PDE1B: variants seen among roughly 807,000 people sequenced by gnomAD.
The protein encoded by PDE1B is phosphodiesterase 1B.
A neutral mutation model predicts 66.7 loss-of-function variants in PDE1B; 13 were observed. The observed-to-expected ratio is 0.19, with a 90% CI of 0.13 to 0.31. The LOEUF (loss-of-function observed/expected upper bound fraction) is 0.31. PDE1B is among the 10% of genes least tolerant of loss of function. The probability of loss-of-function intolerance (pLI) is 1.00; values close to 1 mark genes in which losing one functional copy is unlikely to be tolerated. For synonymous variants in PDE1B, 230 were observed against 253.9 expected (o/e 0.91, Z 0.90); for missense variants, 485 against 682.3 (o/e 0.71, Z 3.22).
Position 54,578,322 on chromosome 12 carries a change from C to T in PDE1B, c.*480C>T, listed in dbSNP as rs2121186868. ...GCCCCTTTTCCTCCCCTGGGAAGGG[C>T]TGGAATAGGATAGAAAGCTGGGGGT... On this transcript the variant is annotated 3_prime_UTR_variant, in exon 16 of 16. Coordinates refer to ENST00000243052, the MANE Select transcript of PDE1B (RefSeq NM_000924.4). 1 of 152,356 alleles carries T rather than the reference C, an allele frequency of 6.6e-6. No homozygotes were observed. 9.4% of individuals were successfully genotyped at this position (152,356 alleles called of 1,614,324 possible).
At chr12:54,570,176 T>G (rs565120171) in intron 5 of PDE1B, 65 bp from the exon 6 acceptor site, 20 of 930,972 alleles carry the variant, frequency 2.1e-5, no homozygotes, top group Non-Finnish European at 3.1e-5. Flanking sequence ...GGGAAGTCCT[T>G]CTTGAAGTCT....
In PDE1B at chr12:54,573,856, TGA is replaced by T. The variant is rs142403478; in HGVS notation, c.1064+161_1064+162del. 32 of 463,998 alleles carry T rather than the reference TGA, an allele frequency of 6.9e-5. No homozygotes were observed. The highest frequency in any genetic ancestry group is 1.5e-4 in the African/African-American group (6 of 40,084). The allele number at this position is 463,998 out of a possible 1,614,324, so 28.7% of individuals were successfully genotyped here. ...TCAGGTATCAGACTGCATCTCTATG[TGA>T]GAGAGAGAGAGAGTGTGTGTGTGTG... On this transcript the variant is annotated intron_variant, in intron 10 of 15. Coordinates refer to ENST00000243052, the MANE Select transcript of PDE1B (RefSeq NM_000924.4). The surrounding 1 kb of genome is among the most constrained non-coding windows in gnomAD (Gnocchi z 5.2).
At chr12:54,562,836 T>C (rs1165470324) in intron 2 of PDE1B, among the ~76,000 whole-genome samples, 1 of 152,148 alleles carries the variant, frequency 6.6e-6, no homozygotes, top group Non-Finnish European at 1.5e-5. Context: ...TCTTTAATCT[T>C]TTTTCCCCTC....
rs777807529 is a variant in PDE1B at position 54,569,586 on chromosome 12, T to A, written c.451T>A (p.Ser151Thr). The change falls in exon 5 of 16, where the codon TCT becomes ACT. Residue 151 changes from serine to threonine, a missense_variant. Ser to Thr is a moderately conservative substitution (Grantham distance 58). Transcript: ENST00000243052. The surrounding 1 kb of genome is among the most constrained non-coding windows in gnomAD (Gnocchi z 4.4). ...RTYTSVGPTY[S>T]TAVLNCLKNL... ...ATACACCTCTGTGGGCCCCACTTAC[T>A]CTACTGCGGTTCTCAACTGTCTCAA... 6.2e-7 allele frequency: 1 copy of A among 1,613,572 alleles called. No homozygotes were observed. The highest frequency in any genetic ancestry group is 1.7e-5 in the Admixed American group (1 of 60,004).
At chr12:54,559,958 G>T (rs945403198) in intron 2 of PDE1B, among the ~76,000 whole-genome samples, 1 of 152,126 alleles carries the variant, frequency 6.6e-6, no homozygotes, top group African/African-American at 2.4e-5. Context: ...TGGCATTCAG[G>T]GTCTCTGACA....
Position 54,569,532 on chromosome 12 carries a change from T to C in PDE1B, c.411-14T>C, listed in dbSNP as rs763660896. Reference sequence around the variant, plus strand: ...ACCTTCATATGTGGGCTTCTTCTCATTGTTCTCTCTCAGGATGTTCCGGAG... The same window carrying C: ...ACCTTCATATGTGGGCTTCTTCTCACTGTTCTCTCTCAGGATGTTCCGGAG... On this transcript the variant is annotated splice_polypyrimidine_tract_variant and intron_variant, in intron 4 of 15. Coordinates refer to ENST00000243052, the MANE Select transcript of PDE1B (RefSeq NM_000924.4). This position sits in a 1 kb window ranked among gnomAD's most constrained non-coding sequence, Gnocchi z 4.4. 1.2e-6 allele frequency: 2 copies of C among 1,611,632 alleles called. No individual in the cohort carries two copies. The highest frequency in any genetic ancestry group is 4.5e-5 in the East Asian group (2 of 44,868).
chr12:54,565,397 C>T lies in PDE1B; in HGVS notation c.114-1577C>T, dbSNP rs146629396. ...CAAAGGCAAAGCGTACCTCTTTGTTCTGTGATCTCTGGGCGGGGTACTCTG... is the reference window on the plus strand; with the variant it reads ...CAAAGGCAAAGCGTACCTCTTTGTTTTGTGATCTCTGGGCGGGGTACTCTG... On this transcript the variant is annotated intron_variant, in intron 2 of 15. Transcript: ENST00000243052. Among the ~76,000 whole-genome samples, 5 of 152,366 alleles carry T rather than the reference C, an allele frequency of 3.3e-5. No individual in the cohort carries two copies. In the East Asian group the frequency reaches 9.6e-4, roughly 29 times the overall value.
chr12:54,570,440 T>C (rs1957596216), intron 6 of PDE1B, 83 bp downstream of exon 6: 2 of 811,466 alleles, frequency 2.5e-6, no homozygotes, highest in African/African-American at 1.7e-5. Flanking sequence ...AACAAACAGA[T>C]TCCATAGATC....
Position 54,570,522 on chromosome 12 carries a change from G to A in PDE1B, c.594+165G>A, listed in dbSNP as rs1165154029. 8.2e-6 allele frequency: 5 copies of A among 609,028 alleles called. No individual in the cohort carries two copies. In the African/African-American group the frequency reaches 9.2e-5, roughly 11 times the overall value. The allele number at this position is 609,028 out of a possible 1,614,324, so 37.7% of individuals were successfully genotyped here. On this transcript the variant is annotated intron_variant, in intron 6 of 15. Coordinates refer to ENST00000243052, the MANE Select transcript of PDE1B (RefSeq NM_000924.4). ...CAGCCTAGCCTTTCTTTCACTTGCT[G>A]CAGTCTTAGTTCCAGACTTCATTAA...
At chr12:54,557,304 A>T (rs1247295884) in intron 2 of PDE1B, among the ~76,000 whole-genome samples, 1 of 152,234 alleles carries the variant, frequency 6.6e-6, no homozygotes. Context: ...AGTGAAATAA[A>T]TTGAAGACAG....
rs369117826 is a variant in PDE1B at position 54,569,594 on chromosome 12, G to A, written c.459G>A (p.Ala153=). The A allele has an allele frequency of 1.9e-5, 31 of 1,613,002 alleles. No homozygotes were observed. The highest frequency in any genetic ancestry group is 2.3e-5 in the Non-Finnish European group (27 of 1,179,110). The part of the protein sequence containing the change: ...YTSVGPTYST[A]VLNCLKNLDL... ...CTGTGGGCCCCACTTACTCTACTGC[G>A]GTTCTCAACTGTCTCAAGGTAATCT... Residue 153 remains alanine, a synonymous_variant, in exon 5 of 16, where the codon GCG becomes GCA. Coordinates refer to ENST00000243052, the MANE Select transcript of PDE1B (RefSeq NM_000924.4). The surrounding 1 kb of genome is among the most constrained non-coding windows in gnomAD (Gnocchi z 4.4).
At chr12:54,563,213 GAATT>G (rs1957451026) in intron 2 of PDE1B, among the ~76,000 whole-genome samples, 1 of 152,232 alleles carries the variant, frequency 6.6e-6, no homozygotes, top group Non-Finnish European at 1.5e-5. Context: ...CCAACCGACA[GAATT>G]AATTAAGGTT....
rs1402885968 is a variant in PDE1B at position 54,573,479 on chromosome 12, G to T, written c.961G>T (p.Val321Leu). ...CATCAACCTCACCAAGGATGAGTTT[G>T]TGTGAGCAGAAGCCAGTACTTGGCA... ...IFINLTKDEF[V>L]ELRALVIEMV... The change falls in exon 9 of 16, where the codon GTA becomes TTA. Residue 321 changes from valine to leucine, a missense_variant and splice_region_variant. Physicochemically the swap from Val to Leu is conservative, Grantham distance 32. Coordinates refer to ENST00000243052, the MANE Select transcript of PDE1B (RefSeq NM_000924.4). The surrounding 1 kb of genome is among the most constrained non-coding windows in gnomAD (Gnocchi z 5.2). The T allele has an allele frequency of 6.2e-7, 1 of 1,614,084 alleles. No homozygotes were observed. The highest frequency in any genetic ancestry group is 1.3e-5 in the African/African-American group (1 of 74,932).
intron 2 of PDE1B, chr12:54,554,508 T>G (rs1324977888): frequency 6.6e-6 from 1 of 152,294 alleles, no homozygotes; most frequent in Non-Finnish European, 1.5e-5. Flanking sequence ...CTGTCTCTAT[T>G]TCCTCCATCA....
intron 2 of PDE1B, among the ~76,000 whole-genome samples, chr12:54,560,106 A>G (rs371675710): frequency 6.6e-6 from 1 of 152,092 alleles, no homozygotes; most frequent in African/African-American, 2.4e-5. Flanking sequence ...GCCCTGCTTC[A>G]CGGCTACCAG....
Position 54,578,656 on chromosome 12 carries a change from G to A in PDE1B, c.*814G>A, listed in dbSNP as rs1957810965. On this transcript the variant is annotated 3_prime_UTR_variant, in exon 16 of 16. Coordinates refer to ENST00000243052, the MANE Select transcript of PDE1B (RefSeq NM_000924.4). ...CCTTTGCCTCCTTCCTCTCCCCTGGGGCTGGGAGGCTCCATCCGACCAATG... is the reference window on the plus strand; with the variant it reads ...CCTTTGCCTCCTTCCTCTCCCCTGGAGCTGGGAGGCTCCATCCGACCAATG... 1 of 152,190 alleles carries A rather than the reference G, an allele frequency of 6.6e-6. No homozygotes were observed. Among genetic ancestry groups the A allele is most frequent in the South Asian group, 2.1e-4 (1 of 4,822 alleles). The allele number at this position is 152,190 out of a possible 1,614,324, so 9.4% of individuals were successfully genotyped here.
intron 2 of PDE1B, among the ~76,000 whole-genome samples, chr12:54,551,081 C>T (rs1235877838): frequency 6.6e-6 from 1 of 152,136 alleles, no homozygotes; most frequent in Non-Finnish European, 1.5e-5. Context: ...TAAACATAGC[C>T]CTGAACCCAG....
intron 6 of PDE1B, chr12:54,572,114 G>A (rs1035213875): frequency 1.3e-5 from 2 of 157,318 alleles, no homozygotes; most frequent in African/African-American, 4.8e-5. Context: ...CATGTAGAGG[G>A]TAAGTGGTCA....
chr12:54,572,919 CG>C (rs1957642984), intron 7 of PDE1B, among the ~76,000 whole-genome samples, 178 bp downstream of exon 7: 1 of 152,168 alleles, frequency 6.6e-6, no homozygotes, highest in Admixed American at 6.5e-5. Context: ...GACTAAAACT[CG>C]TTGGACAGTG....
Sources: allele counts gnomAD v4.1 joint callset (sites outside exome capture counted in the v4.1 genomes callset), GRCh38; gene constraint gnomAD v4.1.1; non-coding constraint Gnocchi (gnomAD v3.1); transcripts MANE v1.5; gene names NCBI Gene and HGNC (gene_info 2026-07-23, HGNC 2026-07-21).